Variants in TNIK observed in about 807,000 individuals in gnomAD.
TNIK encodes the protein TRAF2 and NCK interacting kinase.
TNIK carries 49 observed loss-of-function variants against 191.3 expected under a neutral mutation model. That is an observed-to-expected ratio of 0.26 (90% CI 0.20 to 0.32). TNIK has a LOEUF of 0.32. TNIK is among the 10% of genes least tolerant of loss of function. The pLI is 1.00. For synonymous variants in TNIK, 594 were observed against 600.9 expected, an observed-to-expected ratio of 0.99 and a Z score of 0.17; for missense variants, 1,155 against 1,702.3, an observed-to-expected ratio of 0.68 and a Z score of 5.66.
chr3:171,073,507 C>CA (rs1315462222), intron 28 of TNIK, among the ~76,000 whole-genome samples: 1 of 151,762 alleles, frequency 6.6e-6, no homozygotes, highest in East Asian at 1.9e-4. Flanking sequence ...GCAACAAAAA[C>CA]AAAAAAAGAC....
chr3:171,428,734 G>A (rs77019834), intron 1 of TNIK, among the ~76,000 whole-genome samples: 5,496 of 112,170 alleles, frequency 0.049, 131 homozygotes, highest in South Asian at 0.097. Flanking sequence ...ATTTGGCACT[G>A]CCCATTATTA....
intron 2 of TNIK, among the ~76,000 whole-genome samples, chr3:171,234,231 C>G (rs981982976): frequency 8.5e-5 from 13 of 152,180 alleles, no homozygotes; most frequent in African/African-American, 3.1e-4. Flanking sequence ...TCCAAAGATC[C>G]TTATGATCAA....
At position 171,060,696 on chromosome 3, in the gene TNIK, G is replaced by C. The variant is rs867066838; in HGVS notation, c.*3185C>G. 2.3e-4 allele frequency among the ~76,000 whole-genome samples: 35 copies of C among 152,274 alleles called. No individual in the cohort carries two copies. Among genetic ancestry groups the C allele is most frequent in the Admixed American group, 3.9e-4 (6 of 15,282 alleles). On this transcript the variant is annotated 3_prime_UTR_variant, in exon 33 of 33. Coordinates refer to ENST00000436636, the MANE Select transcript of TNIK (RefSeq NM_015028.4). ...CAGTGGTCTGGCTGGAACTGGCAGG[G>C]GGAAGAGCCTCATTATTTGAAGGAA...
chr3:171,206,194 G>A (rs1740049261), intron 4 of TNIK, among the ~76,000 whole-genome samples: 2 of 151,872 alleles, frequency 1.3e-5, no homozygotes, highest in South Asian at 2.1e-4. Context: ...CTGAGTGCTT[G>A]GAAGAGTGCC....
chr3:171,194,743 A>G, intron 4 of TNIK, 108 bp from the exon 5 acceptor site: 1 of 878,462 alleles, frequency 1.1e-6, no homozygotes, highest in Admixed American at 2.3e-5. Flanking sequence ...CCATTCCTGC[A>G]AAGAAAAAGT....
intron 2 of TNIK, among the ~76,000 whole-genome samples, chr3:171,259,633 C>T (rs778530294): frequency 4.6e-5 from 7 of 152,142 alleles, no homozygotes; most frequent in Admixed American, 2.0e-4. Context: ...AAACAAATTG[C>T]CTGGCTAATC....
intron 2 of TNIK, among the ~76,000 whole-genome samples, chr3:171,335,661 CAT>C (rs1287697463): frequency 2.0e-5 from 3 of 152,098 alleles, no homozygotes; most frequent in African/African-American, 7.2e-5. Flanking sequence ...TTTGTTTTTC[CAT>C]TTTCCATTTG....
chr3:171,354,821 C>A (rs1380826823), intron 2 of TNIK, among the ~76,000 whole-genome samples: 1 of 152,112 alleles, frequency 6.6e-6, no homozygotes, highest in African/African-American at 2.4e-5. Flanking sequence ...AGTACTTAGG[C>A]CAAATTTCAA....
intron 2 of TNIK, among the ~76,000 whole-genome samples, chr3:171,272,945 G>C (rs1259781829): frequency 6.6e-6 from 1 of 152,216 alleles, no homozygotes; most frequent in Non-Finnish European, 1.5e-5. Flanking sequence ...TGAATAAATA[G>C]ATATTCCAGT....
chr3:171,430,853 T>C (rs992925323), intron 1 of TNIK, among the ~76,000 whole-genome samples: 7 of 152,014 alleles, frequency 4.6e-5, no homozygotes, highest in Non-Finnish European at 1.0e-4. Flanking sequence ...TATAGTTGAG[T>C]TTTCAGATTA....
At chr3:171,141,507 CA>C (rs1236727376) in intron 12 of TNIK, among the ~76,000 whole-genome samples, 1 of 152,188 alleles carries the variant, frequency 6.6e-6, no homozygotes, top group Non-Finnish European at 1.5e-5. Context: ...CAAGCAGTTA[CA>C]GGAGCCAGTG....
At chr3:171,211,646 C>T (rs548997908) in intron 3 of TNIK, among the ~76,000 whole-genome samples, 2 of 152,074 alleles carry the variant, frequency 1.3e-5, no homozygotes, top group African/African-American at 2.4e-5. Flanking sequence ...AAACCGTGGG[C>T]GCTCAGATTT....
At chr3:171,419,328 T>C (rs1723465191) in intron 1 of TNIK, among the ~76,000 whole-genome samples, 2 of 152,150 alleles carry the variant, frequency 1.3e-5, no homozygotes, top group African/African-American at 2.4e-5. Flanking sequence ...GAAAGTAGAT[T>C]AGTGATTGTT....
intron 1 of TNIK, among the ~76,000 whole-genome samples, chr3:171,370,002 C>G (rs1239279063): frequency 6.6e-6 from 1 of 152,114 alleles, no homozygotes; most frequent in Non-Finnish European, 1.5e-5. Flanking sequence ...AACACACTTG[C>G]AGGAGCTACA....
intron 3 of TNIK, among the ~76,000 whole-genome samples, chr3:171,221,495 C>G (rs1742341015): frequency 6.6e-6 from 1 of 152,138 alleles, no homozygotes; most frequent in Non-Finnish European, 1.5e-5. Context: ...TTCTTAAATT[C>G]TCTCTTCATA....
intron 2 of TNIK, among the ~76,000 whole-genome samples, chr3:171,271,221 A>G (rs1323770385): frequency 5.9e-5 from 9 of 152,140 alleles, no homozygotes; most frequent in Admixed American, 6.6e-5. Context: ...TGTGTTGCCA[A>G]CTCTAATAGT....
At chr3:171,348,597 A>G (rs998394114) in intron 2 of TNIK, among the ~76,000 whole-genome samples, 1 of 152,234 alleles carries the variant, frequency 6.6e-6, no homozygotes, top group African/African-American at 2.4e-5. Flanking sequence ...AAAATGTTTT[A>G]ACATATAATA....
rs191807692 is a variant in TNIK, at chr3:171,274,184, G to A, written c.124-45963C>T. 2.0e-5 allele frequency among the ~76,000 whole-genome samples: 3 copies of A among 152,216 alleles called. No homozygotes were observed. In the East Asian group the frequency reaches 5.8e-4, roughly 29 times the overall value. On this transcript the variant is annotated intron_variant, in intron 2 of 32. Coordinates refer to ENST00000436636, the MANE Select transcript of TNIK (RefSeq NM_015028.4). ...CATACAAGGAAAACGCTTAACAAAG[G>A]GAAAGGCACACAAGAAACATGAACA...
intron 2 of TNIK, among the ~76,000 whole-genome samples, chr3:171,357,447 C>T (rs929217327): frequency 5.3e-5 from 8 of 152,056 alleles, no homozygotes; most frequent in Admixed American, 3.9e-4. Flanking sequence ...GACCACCACA[C>T]TCAGCTAGTT....
Sources: allele counts gnomAD v4.1 joint callset (sites outside exome capture counted in the v4.1 genomes callset), GRCh38; gene constraint gnomAD v4.1.1; transcripts MANE v1.5; gene names NCBI Gene and HGNC (gene_info 2026-07-23, HGNC 2026-07-21).